Variants in PHC2 observed in about 807,000 individuals in gnomAD.
The protein encoded by PHC2 is polyhomeotic-like protein 2.
In PHC2, 29 loss-of-function variants were observed where a neutral mutation model predicts 87.4. The ratio of observed to expected loss-of-function variants is 0.33; its 90% CI spans 0.25 to 0.45. The LOEUF (loss-of-function observed/expected upper bound fraction) is 0.45. PHC2 is among the 20% of genes least tolerant of loss of function. The pLI, the probability that PHC2 is intolerant of heterozygous loss-of-function variation, is 1.00. For missense variants in PHC2, 857 were observed against 1,136.7 expected, an observed-to-expected ratio of 0.75 and a Z score of 3.54; for synonymous variants, 438 against 461.7, an observed-to-expected ratio of 0.95 and a Z score of 0.66.
At chr1:33,356,362 G>C (rs892043691) in intron 7 of PHC2, among the ~76,000 whole-genome samples, 1 of 148,808 alleles carries the variant, frequency 6.7e-6, no homozygotes, top group Non-Finnish European at 1.5e-5. Flanking sequence ...CAGGGTCATA[G>C]GACAATAGTG....
intron 7 of PHC2, among the ~76,000 whole-genome samples, chr1:33,366,479 C>T (rs779385260): frequency 6.6e-6 from 1 of 152,150 alleles, no homozygotes; most frequent in African/African-American, 2.4e-5. Context: ...CAAGTGTTAC[C>T]CTCACTAGCA....
intron 9 of PHC2, among the ~76,000 whole-genome samples, chr1:33,341,588 A>C (rs993017116): frequency 1.3e-5 from 2 of 152,170 alleles, no homozygotes; most frequent in Admixed American, 1.3e-4. Context: ...CATAATATAT[A>C]CCTTCAGGAG....
chr1:33,349,689 C>A lies in PHC2; in HGVS notation c.1558+4712G>T, dbSNP rs1646922529. ...CGCGGGGTCCCGGGCCCGGGCGGGC[C>A]GCCTCCTCTCCGCCGGGAGCCTCCG... On this transcript the variant is annotated intron_variant, in intron 9 of 14. Transcript: ENST00000683057. The surrounding 1 kb of genome is among the most constrained non-coding windows in gnomAD (Gnocchi z 4.2). 1 of 986,802 alleles carries A rather than the reference C, an allele frequency of 1.0e-6. No individual in the cohort carries two copies. The highest frequency in any genetic ancestry group is 1.2e-6 in the Non-Finnish European group (1 of 831,932). The allele number at this position is 986,802 out of a possible 1,614,324, so 61.1% of individuals were successfully genotyped here.
intron 1 of PHC2, among the ~76,000 whole-genome samples, chr1:33,426,214 T>C (rs978948190): frequency 2.6e-5 from 4 of 152,188 alleles, no homozygotes; most frequent in Non-Finnish European, 4.4e-5. Context: ...TTTCTGTTTT[T>C]CATGATTCAT....
At position 33,369,973 on chromosome 1, in the gene PHC2, C is replaced by G. The variant is rs1255787429; in HGVS notation, c.576+448G>C. Among the ~76,000 whole-genome samples, 1 of 152,112 alleles carries G rather than the reference C, an allele frequency of 6.6e-6. No individual in the cohort carries two copies. The highest frequency in any genetic ancestry group is 2.1e-4 in the South Asian group (1 of 4,826). On this transcript the variant is annotated intron_variant, in intron 5 of 14. Transcript: ENST00000683057. The surrounding 1 kb of genome is among the most constrained non-coding windows in gnomAD (Gnocchi z 4.7). ...GGGGCCGCTGGGAGGGCAATGGAGG[C>G]ACGCTGAAGCTGGAAAGCATCTTTG... is the stretch of plus-strand genomic sequence containing the variant.
intron 1 of PHC2, among the ~76,000 whole-genome samples, chr1:33,384,545 T>C (rs532194255): frequency 1.3e-5 from 2 of 152,290 alleles, no homozygotes; most frequent in African/African-American, 2.4e-5. Context: ...TCCAGCTTCA[T>C]TGCCTACCAC....
chr1:33,360,694 G>T (rs572658096), intron 7 of PHC2, among the ~76,000 whole-genome samples: 74 of 152,332 alleles, frequency 4.9e-4, no homozygotes, highest in African/African-American at 1.7e-3. Context: ...ACTTCTCAAA[G>T]AATTTTTATC....
intron 1 of PHC2, among the ~76,000 whole-genome samples, chr1:33,425,926 T>C (rs1650649633): frequency 6.6e-6 from 1 of 152,124 alleles, no homozygotes; most frequent in Admixed American, 6.5e-5. Flanking sequence ...AGACAGGTAA[T>C]GGGAGGAGGC....
At chr1:33,393,551 A>C (rs1649168432) in intron 1 of PHC2, among the ~76,000 whole-genome samples, 1 of 148,264 alleles carries the variant, frequency 6.7e-6, no homozygotes, top group Admixed American at 6.8e-5. Context: ...TTCTGTGCTC[A>C]GGGACCAGTG....
intron 3 of PHC2, among the ~76,000 whole-genome samples, chr1:33,371,502 G>A (rs12562804): frequency 0.14 from 21,719 of 150,958 alleles, 2,807 homozygotes; most frequent in African/African-American, 0.35. Context: ...CATCACACCC[G>A]GCCACCGCCA....
intron 1 of PHC2, among the ~76,000 whole-genome samples, chr1:33,385,770 A>G (rs977365624): frequency 6.6e-6 from 1 of 151,878 alleles, no homozygotes; most frequent in Non-Finnish European, 1.5e-5. Context: ...AGGTCTAGTA[A>G]CTTTCTTGGG....
intron 9 of PHC2, among the ~76,000 whole-genome samples, chr1:33,338,668 C>G (rs1236940444): frequency 6.6e-6 from 1 of 152,234 alleles, no homozygotes; most frequent in Admixed American, 6.5e-5. Flanking sequence ...GCCCTGCTGG[C>G]CCTGAGGCCA....
intron 2 of PHC2, 119 bp from the exon 3 acceptor site, chr1:33,372,566 T>G (rs529139377): frequency 0.072 from 61,161 of 843,602 alleles, 4,267 homozygotes; most frequent in African/African-American, 0.31. Context: ...CCAAGATCTG[T>G]GACCACCACC....
chr1:33,411,419 C>T (rs1170691927), intron 1 of PHC2, among the ~76,000 whole-genome samples: 1 of 150,586 alleles, frequency 6.6e-6, no homozygotes, highest in Non-Finnish European at 1.5e-5. Context: ...CCCAAAAATG[C>T]ACAGAGAAAC....
At chr1:33,360,167 T>C (rs183480449) in intron 7 of PHC2, among the ~76,000 whole-genome samples, 114 of 152,366 alleles carry the variant, frequency 7.5e-4, no homozygotes, top group Admixed American at 7.3e-3. Flanking sequence ...AAGGGAAGTT[T>C]ACCTGTAAGA....
intron 7 of PHC2, among the ~76,000 whole-genome samples, chr1:33,361,380 G>A (rs539043480): frequency 1.6e-4 from 24 of 152,174 alleles, no homozygotes; most frequent in Middle Eastern, 3.4e-3. Flanking sequence ...CGCTCTTGAC[G>A]CCCAGGCTGT....
chr1:33,361,502 G>A (rs1027189526), intron 7 of PHC2, among the ~76,000 whole-genome samples: 2 of 152,106 alleles, frequency 1.3e-5, no homozygotes, highest in Non-Finnish European at 2.9e-5. Context: ...CACCACACCT[G>A]GCTAATTTTT....
chr1:33,397,367 C>T (rs1160648607), intron 1 of PHC2, among the ~76,000 whole-genome samples: 1 of 152,160 alleles, frequency 6.6e-6, no homozygotes, highest in Non-Finnish European at 1.5e-5. Context: ...AATCTTGGGC[C>T]CCACCCCAGA....
intron 1 of PHC2, among the ~76,000 whole-genome samples, chr1:33,407,326 T>C (rs764323158): frequency 2.0e-5 from 3 of 152,250 alleles, no homozygotes; most frequent in Non-Finnish European, 4.4e-5. Flanking sequence ...TCTTTGACTG[T>C]TGGTCATTAT....
Sources: gnomAD v4.1 joint callset for allele counts (sites outside exome capture counted in the v4.1 genomes callset) on GRCh38, gnomAD v4.1.1 for gene constraint, Gnocchi (gnomAD v3.1) non-coding constraint, MANE v1.5 for transcripts, NCBI Gene and HGNC (gene_info 2026-07-23, HGNC 2026-07-21) for gene names.